Variants in WDFY3 observed in about 807,000 individuals in gnomAD.
WDFY3 encodes the protein WD repeat and FYVE domain containing 3.
A neutral mutation model predicts 409.6 loss-of-function variants in WDFY3; 66 were observed. The observed-to-expected ratio is 0.16, with a 90% CI of 0.13 to 0.20. The LOEUF (loss-of-function observed/expected upper bound fraction) is 0.20. WDFY3 is among the 10% of genes least tolerant of loss of function. The pLI, the probability that WDFY3 is intolerant of heterozygous loss-of-function variation, is 1.00. For missense variants in WDFY3, 3,031 were observed against 4,298.1 expected (o/e 0.71, Z 8.24); for synonymous variants, 1,521 against 1,537.1 (o/e 0.99, Z 0.25).
intron 2 of WDFY3, among the ~76,000 whole-genome samples, chr4:84,919,430 G>C (rs574006691): frequency 3.8e-4 from 58 of 151,890 alleles, no homozygotes; most frequent in Non-Finnish European, 8.0e-4. Flanking sequence ...TATTTTAACT[G>C]TCTTAAAGTG....
intron 21 of WDFY3, among the ~76,000 whole-genome samples, chr4:84,790,607 A>T (rs1203837343): frequency 6.6e-6 from 1 of 152,190 alleles, no homozygotes; most frequent in East Asian, 1.9e-4. Flanking sequence ...AAAATAAACA[A>T]GTGGGACTAT....
intron 2 of WDFY3, among the ~76,000 whole-genome samples, chr4:84,909,477 A>G (rs1203957952): frequency 1.3e-5 from 2 of 152,136 alleles, no homozygotes; most frequent in African/African-American, 2.4e-5. Flanking sequence ...AGAAAATGAC[A>G]TCTAATGTTC....
chr4:84,955,979 T>C (rs1774190581), intron 1 of WDFY3, among the ~76,000 whole-genome samples: 1 of 152,070 alleles, frequency 6.6e-6, no homozygotes, highest in African/African-American at 2.4e-5. Context: ...AAATCAGTTG[T>C]CCTTTGAAAA....
At chr4:84,701,601 T>C (rs1215803760) in intron 56 of WDFY3, among the ~76,000 whole-genome samples, 3 of 152,196 alleles carry the variant, frequency 2.0e-5, no homozygotes, top group Admixed American at 6.5e-5. Context: ...AATTTTGATA[T>C]GCTTTAAAAG....
At chr4:84,737,393 A>G in intron 40 of WDFY3, 27 bp from the exon 41 acceptor site, 1 of 1,526,970 alleles carries the variant, frequency 6.5e-7, no homozygotes, top group Non-Finnish European at 8.8e-7. Flanking sequence ...CAAACAAACA[A>G]AAAAGTAAGC....
chr4:84,802,442 G>A (rs1345023047), intron 16 of WDFY3, among the ~76,000 whole-genome samples: 1 of 151,424 alleles, frequency 6.6e-6, no homozygotes. Context: ...TGCATTTTTT[G>A]TATTTTTAGT....
intron 55 of WDFY3, among the ~76,000 whole-genome samples, chr4:84,703,119 A>G (rs1731342774): frequency 6.6e-6 from 1 of 151,984 alleles, no homozygotes; most frequent in Admixed American, 6.6e-5. Flanking sequence ...CCAAACAAAC[A>G]AGAAATATGA....
At chr4:84,819,607 T>C (rs1753787577) in intron 12 of WDFY3, among the ~76,000 whole-genome samples, 1 of 152,030 alleles carries the variant, frequency 6.6e-6, no homozygotes, top group African/African-American at 2.4e-5. Context: ...AAAAGAGAAA[T>C]TGAGACCAAA....
At chr4:84,882,419 T>C (rs1433130603) in intron 3 of WDFY3, among the ~76,000 whole-genome samples, 1 of 152,168 alleles carries the variant, frequency 6.6e-6, no homozygotes, top group Admixed American at 6.5e-5. Flanking sequence ...GCTTAACGAA[T>C]AGACGGATAA....
intron 46 of WDFY3, 51 bp downstream of exon 46, chr4:84,724,375 A>G: frequency 6.4e-7 from 1 of 1,553,304 alleles, no homozygotes; most frequent in Non-Finnish European, 8.7e-7. Context: ...GAATTCAAAT[A>G]CAAGAATGTT....
At chr4:84,741,700 T>C in intron 38 of WDFY3, 61 bp downstream of exon 38, 1 of 1,472,352 alleles carries the variant, frequency 6.8e-7, no homozygotes, top group Admixed American at 2.2e-5. Context: ...TTCAACAATT[T>C]TGACACCATA....
intron 30 of WDFY3, among the ~76,000 whole-genome samples, chr4:84,772,399 T>G (rs1744821335): frequency 6.6e-6 from 1 of 152,178 alleles, no homozygotes; most frequent in Non-Finnish European, 1.5e-5. Flanking sequence ...AAAGTGATAC[T>G]ATGTTATTTT....
chr4:84,740,048 C>T, intron 39 of WDFY3, 139 bp downstream of exon 39: 1 of 862,790 alleles, frequency 1.2e-6, no homozygotes, highest in Non-Finnish European at 1.8e-6. Flanking sequence ...TCAACACTTG[C>T]CCTTTACCTT....
chr4:84,924,438 G>A (rs1331107463), intron 2 of WDFY3, among the ~76,000 whole-genome samples: 1 of 152,202 alleles, frequency 6.6e-6, no homozygotes, highest in Non-Finnish European at 1.5e-5. Context: ...AACCCTGTGT[G>A]AAGAAAGCTA....
intron 3 of WDFY3, among the ~76,000 whole-genome samples, chr4:84,896,442 T>C (rs2150567778): frequency 6.6e-6 from 1 of 152,172 alleles, no homozygotes; most frequent in Non-Finnish European, 1.5e-5. Flanking sequence ...TTTTCTATTT[T>C]TCCAAGTAGA....
At chr4:84,863,377 C>T (rs1760929758) in intron 3 of WDFY3, among the ~76,000 whole-genome samples, 1 of 152,180 alleles carries the variant, frequency 6.6e-6, no homozygotes, top group East Asian at 1.9e-4. Context: ...CACATTCTGG[C>T]CAACACTTTC....
chr4:84,881,554 C>T (rs1578961865), intron 3 of WDFY3, among the ~76,000 whole-genome samples: 1 of 151,298 alleles, frequency 6.6e-6, no homozygotes, highest in South Asian at 2.1e-4. Context: ...CCTAATTGGC[C>T]TCTAACTAGA....
At position 84,817,592 on chromosome 4, in the gene WDFY3, G is replaced by C. The variant is rs570489591; in HGVS notation, c.1694-7C>G. 2 of 1,586,732 alleles carry C rather than the reference G, an allele frequency of 1.3e-6. No individual in the cohort carries two copies. Among genetic ancestry groups the C allele is most frequent in the South Asian group, 1.1e-5 (1 of 87,684 alleles). On this transcript the variant is annotated splice_polypyrimidine_tract_variant and splice_region_variant and intron_variant, in intron 12 of 67. Transcript: ENST00000295888. ...CCAAATTCTCGAAAAATTCCTTGAA[G>C]GAAGGAGAAAAAGTCCAACAATGGC...
intron 7 of WDFY3, among the ~76,000 whole-genome samples, chr4:84,831,842 T>G (rs1042107304): frequency 2.0e-5 from 3 of 152,064 alleles, no homozygotes; most frequent in Non-Finnish European, 4.4e-5. Flanking sequence ...AAAGAACAGA[T>G]GCTGGTAAGG....
Sources: gnomAD v4.1 joint callset for allele counts (sites outside exome capture counted in the v4.1 genomes callset) on GRCh38, gnomAD v4.1.1 for gene constraint, MANE v1.5 for transcripts, NCBI Gene and HGNC (gene_info 2026-07-23, HGNC 2026-07-21) for gene names.